Variants in MCF2L observed in about 807,000 individuals in gnomAD.
The protein encoded by MCF2L is MCF.2 cell line derived transforming sequence like.
Under a neutral mutation model 153.4 loss-of-function variants are expected in MCF2L, and 97 were observed. That is an observed-to-expected ratio of 0.63 (90% CI 0.54 to 0.75). The LOEUF (loss-of-function observed/expected upper bound fraction) is 0.75. MCF2L is among the 30% of genes least tolerant of loss of function. The pLI, the probability that MCF2L is intolerant of heterozygous loss-of-function variation, is 0.00. For synonymous variants in MCF2L, 659 were observed against 632.2 expected, an observed-to-expected ratio of 1.04 and a Z score of -0.64; for missense variants, 1,347 against 1,495.2, an observed-to-expected ratio of 0.90 and a Z score of 1.64.
intron 2 of MCF2L, among the ~76,000 whole-genome samples, chr13:112,935,212 T>C (rs1449603681): frequency 6.6e-6 from 1 of 152,192 alleles, no homozygotes; most frequent in African/African-American, 2.4e-5. Context: ...ATACGGCCAT[T>C]CTGCTTTGCA....
At chr13:112,966,786 C>T (rs1264814566), upstream of MCF2L, among the ~76,000 whole-genome samples, 3 of 152,160 alleles carry the variant, frequency 2.0e-5, no homozygotes, top group African/African-American at 7.2e-5. The surrounding 1 kb of genome is among the most constrained non-coding windows in gnomAD (Gnocchi z 4.1). Context: ...TTTCATCTTG[C>T]TTTTAAGATG....
Position 113,065,964 on chromosome 13 carries a change from G to C in MCF2L, c.757-82G>C, listed in dbSNP as rs548476953. On this transcript the variant is annotated intron_variant, in intron 7 of 29. Coordinates refer to ENST00000535094, the MANE Select transcript of MCF2L (RefSeq NM_001112732.3). ...TTCCTCAGTCCCCGCCCCCTCAAGA[G>C]CAAGGCCCCACGAGGCCTCACCACC... is the stretch of plus-strand genomic sequence containing the variant. The C allele has an allele frequency of 2.6e-4, 376 of 1,464,390 alleles. 1 individual carries two copies. The African/African-American group carries it at 4.4e-3, about 17-fold the overall frequency. 90.7% of individuals were successfully genotyped at this position (1,464,390 alleles called of 1,614,324 possible). A position where few individuals can be genotyped will look rare whatever the true frequency, so the allele number is the denominator to read the frequency against.
At chr13:113,078,215 C>T in intron 13 of MCF2L, 148 bp from the exon 14 acceptor site, 1 of 662,052 alleles carries the variant, frequency 1.5e-6, no homozygotes, top group Non-Finnish European at 2.7e-6. Context: ...CCCCTGTGGC[C>T]TCAGAGGCCA....
intron 3 of MCF2L, among the ~76,000 whole-genome samples, chr13:113,034,746 C>A (rs2086038925): frequency 6.6e-6 from 1 of 152,240 alleles, no homozygotes; most frequent in Non-Finnish European, 1.5e-5. Flanking sequence ...AGCAGAAAGA[C>A]AAGGCCCGGG....
chr13:112,964,637 T>C (rs550804091), upstream of MCF2L, among the ~76,000 whole-genome samples: 1 of 152,384 alleles, frequency 6.6e-6, no homozygotes, highest in South Asian at 2.1e-4. Context: ...ACAGTGTTTA[T>C]GACAGTCAAG....
At position 113,028,703 on chromosome 13, in the gene MCF2L, A is replaced by G. The variant is rs79831254; in HGVS notation, c.278+3945A>G. Among the ~76,000 whole-genome samples the G allele has an allele frequency of 7.5e-3, 1,139 of 152,278 alleles. 10 individuals carry two copies. The highest frequency in any genetic ancestry group is 0.012 in the Non-Finnish European group (833 of 68,036). Reference sequence around the variant, plus strand: ...TCTATCACCAAACGCTCTAAATCAGATCCTGGAAATGCCAGCTTCATTCAG... The same window carrying G: ...TCTATCACCAAACGCTCTAAATCAGGTCCTGGAAATGCCAGCTTCATTCAG... On this transcript the variant is annotated intron_variant, in intron 3 of 29. Transcript: ENST00000535094. The surrounding 1 kb of genome is among the most constrained non-coding windows in gnomAD (Gnocchi z 5.4).
intron 3 of MCF2L, among the ~76,000 whole-genome samples, chr13:113,032,815 C>T (rs1352053918): frequency 1.3e-5 from 2 of 152,190 alleles, no homozygotes; most frequent in Non-Finnish European, 1.5e-5. Flanking sequence ...AGTGATCCAC[C>T]CACCTTGGCC....
intron 21 of MCF2L, 50 bp downstream of exon 21, chr13:113,086,299 C>T (rs758387708): frequency 6.3e-7 from 1 of 1,594,688 alleles, no homozygotes. Flanking sequence ...TGGAATACAC[C>T]AGCCCAGCAA....
chr13:113,033,431 A>ACCCCG (rs1566773802), intron 3 of MCF2L, among the ~76,000 whole-genome samples: 2,577 of 64,636 alleles, frequency 0.04, 292 homozygotes, highest in East Asian at 0.19. Flanking sequence ...GGCCCCCATG[A>ACCCCG]TGTGAGTGGC....
rs750886792 is a variant in MCF2L at position 113,086,207 on chromosome 13, C to T, written c.2331C>T (p.Ala777=). Residue 777 remains alanine (A), a synonymous_variant, in exon 21 of 30, where the codon GCC becomes GCT. Coordinates refer to ENST00000535094, the MANE Select transcript of MCF2L (RefSeq NM_001112732.3). ...ALSSILGILK[A]VNDSMHLIAI... ...GCTCCATCCTGGGCATCCTGAAGGC[C>T]GTGAACGACTCCATGCACCTCATCG... is the stretch of plus-strand genomic sequence containing the variant. 12 of 1,610,884 alleles carry T rather than the reference C, an allele frequency of 7.4e-6. 1 individual carries two copies. Among genetic ancestry groups the T allele is most frequent in the East Asian group, 4.5e-5 (2 of 44,516 alleles).
chr13:113,085,012 G>A (rs1269932054), intron 19 of MCF2L, 28 bp downstream of exon 19: 14 of 1,612,004 alleles, frequency 8.7e-6, no homozygotes, highest in African/African-American at 1.3e-5. Context: ...CCTTTAGAAC[G>A]TTACTCCCTT....
intron 3 of MCF2L, chr13:113,026,876 C>A: frequency 1.3e-6 from 1 of 745,058 alleles, no homozygotes; most frequent in East Asian, 2.5e-5. Context: ...CAGCGGCGGG[C>A]AGGAGAGCAG....
intron 11 of MCF2L, 89 bp downstream of exon 11, chr13:113,075,278 G>A (rs1456883282): frequency 2.4e-6 from 3 of 1,234,176 alleles, no homozygotes; most frequent in Non-Finnish European, 3.3e-6. Context: ...CCCTTGTCGT[G>A]GGGAGGGCAG....
intron 2 of MCF2L, among the ~76,000 whole-genome samples, chr13:112,944,993 G>A (rs1425568019): frequency 1.5e-5 from 2 of 132,292 alleles, no homozygotes; most frequent in Non-Finnish European, 3.2e-5. Context: ...TGCCAATTAG[G>A]CACCACTATT....
chr13:113,075,275 C>T (rs567554101), intron 11 of MCF2L, 86 bp downstream of exon 11: 9 of 1,273,160 alleles, frequency 7.1e-6, no homozygotes, highest in South Asian at 3.0e-5. Flanking sequence ...TGACCCTTGT[C>T]GTGGGGAGGG....
intron 25 of MCF2L, among the ~76,000 whole-genome samples, chr13:113,088,868 G>T (rs1403651411): frequency 6.6e-6 from 1 of 152,192 alleles, no homozygotes; most frequent in East Asian, 1.9e-4. Flanking sequence ...CCACAGCACG[G>T]CAGTGCGCAC....
At chr13:112,899,188 C>T (rs1008937064) in intron 1 of MCF2L, among the ~76,000 whole-genome samples, 1 of 152,238 alleles carries the variant, frequency 6.6e-6, no homozygotes, top group Non-Finnish European at 1.5e-5. Context: ...GTTCTAGCCG[C>T]CTGTGACCGT....
chr13:113,046,816 A>C lies in MCF2L; in HGVS notation c.369+1455A>C. 8.0e-6 allele frequency: 3 copies of C among 375,306 alleles called. No homozygotes were observed. The highest frequency in any genetic ancestry group is 6.9e-5 in the East Asian group (1 of 14,500). The allele number at this position is 375,306 out of a possible 1,614,324, so 23.2% of individuals were successfully genotyped here. A position where few individuals can be genotyped will look rare whatever the true frequency, so the allele number is the denominator to read the frequency against. ...GCATCGTTATCTGAAATAATTCAAA[A>C]CGCTTCAGGATGCTTCCAAAAAAGT... On this transcript the variant is annotated intron_variant, in intron 4 of 29. Transcript: ENST00000535094. The surrounding 1 kb of genome is among the most constrained non-coding windows in gnomAD (Gnocchi z 4.4).
chr13:113,002,888 G>A (rs115499436), intron 1 of MCF2L, among the ~76,000 whole-genome samples: 104 of 152,226 alleles, frequency 6.8e-4, no homozygotes, highest in African/African-American at 2.4e-3. Flanking sequence ...TAAAGAACTG[G>A]CTGGGTACAG....
Sources: allele counts gnomAD v4.1 joint callset (sites outside exome capture counted in the v4.1 genomes callset), GRCh38; gene constraint gnomAD v4.1.1; non-coding constraint Gnocchi (gnomAD v3.1); transcripts MANE v1.5; gene names NCBI Gene and HGNC (gene_info 2026-07-23, HGNC 2026-07-21).